ELP1: variants seen among roughly 807,000 people sequenced by gnomAD.
ELP1 encodes elongator complex protein 1.
In ELP1, 131 loss-of-function variants were observed where a neutral mutation model predicts 183.2. The observed-to-expected ratio is 0.72, with a 90% confidence interval of 0.62 to 0.83. The LOEUF (loss-of-function observed/expected upper bound fraction) is 0.83, where lower values mean the gene tolerates loss of function less well. ELP1 is among the 40% of genes least tolerant of loss of function. ELP1 has a pLI of 0.00. For synonymous variants in ELP1, 555 were observed against 569.0 expected (o/e 0.98, Z 0.35); for missense variants, 1,550 against 1,594.9 (o/e 0.97, Z 0.48).
intron 27 of ELP1, among the ~76,000 whole-genome samples, chr9:108,892,369 T>C (rs10979593): frequency 0.053 from 8,000 of 152,292 alleles, 323 homozygotes; most frequent in Admixed American, 0.12. Flanking sequence ...CTAAAGAAGC[T>C]GGCAGGGGCT....
At chr9:108,914,709 C>T (rs58255311) in intron 10 of ELP1, among the ~76,000 whole-genome samples, 4,036 of 152,134 alleles carry the variant, frequency 0.027, 187 homozygotes, top group African/African-American at 0.091. Context: ...CTGCAAGCTC[C>T]GCCTCCTCCA....
chr9:108,870,902 C>G (rs1206953397), intron 36 of ELP1, among the ~76,000 whole-genome samples: 1 of 151,554 alleles, frequency 6.6e-6, no homozygotes, highest in Non-Finnish European at 1.5e-5. Context: ...CTGTTAATTC[C>G]TCCGGTGTGA....
chr9:108,909,887 C>T (rs1032493342), intron 12 of ELP1, among the ~76,000 whole-genome samples: 3 of 152,020 alleles, frequency 2.0e-5, no homozygotes, highest in Non-Finnish European at 4.4e-5. Context: ...GAGATAAAAA[C>T]GTCCTAAAAT....
chr9:108,902,101 C>T (rs1564088762), intron 16 of ELP1, among the ~76,000 whole-genome samples: 1 of 152,230 alleles, frequency 6.6e-6, no homozygotes, highest in Non-Finnish European at 1.5e-5. Context: ...CAAATTCCCT[C>T]CTATGACTGT....
intron 13 of ELP1, 36 bp from the exon 14 acceptor site, chr9:108,906,521 T>C (rs757829144): frequency 1.3e-6 from 2 of 1,576,180 alleles, no homozygotes; most frequent in South Asian, 1.1e-5. Flanking sequence ...AAGACATGAA[T>C]AAAACTTAAA....
At chr9:108,922,725 T>C in intron 6 of ELP1, 117 bp downstream of exon 6, 6 of 798,488 alleles carry the variant, frequency 7.5e-6, no homozygotes, top group Non-Finnish European at 8.9e-6. Flanking sequence ...GCAGTTTTAC[T>C]AAAGCAGAAG....
At chr9:108,921,822 G>A (rs562790704) in intron 6 of ELP1, among the ~76,000 whole-genome samples, 116 of 152,268 alleles carry the variant, frequency 7.6e-4, no homozygotes, top group African/African-American at 2.6e-3. Flanking sequence ...TAAAAACTAC[G>A]CTTTAAAAAG....
chr9:108,915,751 T>C (rs1829408207), intron 10 of ELP1, among the ~76,000 whole-genome samples: 1 of 151,604 alleles, frequency 6.6e-6, no homozygotes, highest in Non-Finnish European at 1.5e-5. Flanking sequence ...GGTCCATTTA[T>C]ATTCGTATTT....
chr9:108,915,480 C>G (rs540421097), intron 10 of ELP1, among the ~76,000 whole-genome samples: 1 of 152,194 alleles, frequency 6.6e-6, no homozygotes, highest in South Asian at 2.1e-4. Flanking sequence ...AAGGCTGTAA[C>G]AGAAATCCTC....
chr9:108,899,144 A>G (rs1251625062), intron 20 of ELP1, among the ~76,000 whole-genome samples: 1 of 149,692 alleles, frequency 6.7e-6, no homozygotes, highest in African/African-American at 2.4e-5. Context: ...TGAAAATACA[A>G]AAAAAAAAAT....
chr9:108,913,209 A>G (rs1008485834), intron 10 of ELP1, among the ~76,000 whole-genome samples: 7 of 152,230 alleles, frequency 4.6e-5, no homozygotes, highest in African/African-American at 1.7e-4. Flanking sequence ...ACTTAATCCA[A>G]GATCTAGACT....
chr9:108,925,524 A>G (rs555780475), intron 5 of ELP1, among the ~76,000 whole-genome samples: 34 of 152,216 alleles, frequency 2.2e-4, no homozygotes, highest in Admixed American at 9.8e-4. Context: ...TCACCTGCCC[A>G]ATACCAATTC....
chr9:108,874,837 T>C, intron 36 of ELP1, 58 bp downstream of exon 36: 3 of 1,154,220 alleles, frequency 2.6e-6, no homozygotes, highest in Non-Finnish European at 2.6e-6. Context: ...TCTCAATACT[T>C]ACAGAAAGAT....
intron 12 of ELP1, among the ~76,000 whole-genome samples, chr9:108,909,948 T>TACATATGTATATATATTCATAC (rs1448887003): frequency 6.6e-6 from 1 of 152,168 alleles, no homozygotes; most frequent in African/African-American, 2.4e-5. Context: ...TATATACATA[T>TACATATGTATATATATTCATAC]ACATATGTAT....
At chr9:108,889,858 A>T (rs1828256294) in intron 28 of ELP1, among the ~76,000 whole-genome samples, 1 of 152,202 alleles carries the variant, frequency 6.6e-6, no homozygotes, top group African/African-American at 2.4e-5. Flanking sequence ...CTCTCATTGC[A>T]TGCTCACTCC....
Position 108,926,618 on chromosome 9 carries a change from A to G in ELP1, c.386-15T>C. 1 of 1,604,424 alleles carries G rather than the reference A, an allele frequency of 6.2e-7. No individual in the cohort carries two copies. Among genetic ancestry groups the G allele is most frequent in the South Asian group, 1.1e-5 (1 of 90,726 alleles). On this transcript the variant is annotated splice_polypyrimidine_tract_variant and intron_variant, in intron 4 of 36. Transcript: ENST00000374647. ...GGTCTGTTGACCTTAGAGAAACACAAACAAAAATGATTTTGTTTTCATGTA... is the reference window on the plus strand; with the variant it reads ...GGTCTGTTGACCTTAGAGAAACACAGACAAAAATGATTTTGTTTTCATGTA...
chr9:108,906,852 G>C (rs1829041439), intron 13 of ELP1, among the ~76,000 whole-genome samples: 1 of 152,166 alleles, frequency 6.6e-6, no homozygotes, highest in Non-Finnish European at 1.5e-5. Flanking sequence ...TATGTCACTT[G>C]CAGTAGAATG....
At chr9:108,877,349 T>G (rs1827739217) in intron 35 of ELP1, among the ~76,000 whole-genome samples, 1 of 152,366 alleles carries the variant, frequency 6.6e-6, no homozygotes, top group Non-Finnish European at 1.5e-5. Context: ...TATTAAATTC[T>G]GTGATAAAAT....
At chr9:108,899,377 CAA>C (rs1828683987) in intron 20 of ELP1, among the ~76,000 whole-genome samples, 2 of 152,000 alleles carry the variant, frequency 1.3e-5, no homozygotes, top group African/African-American at 4.8e-5. Context: ...CTTTCCAATA[CAA>C]AGTTTCCTCC....
Sources: gnomAD v4.1 joint callset for allele counts (sites outside exome capture counted in the v4.1 genomes callset) on GRCh38, gnomAD v4.1.1 for gene constraint, MANE v1.5 for transcripts, NCBI Gene and HGNC (gene_info 2026-07-23, HGNC 2026-07-21) for gene names.